The following ARHGAP32 variants were observed in gnomAD, a reference collection of about 807,000 sequenced individuals.
ARHGAP32 encodes Rho GTPase activating protein 32.
ARHGAP32 carries 51 observed loss-of-function variants against 186.5 expected under a neutral mutation model. That is an observed-to-expected ratio of 0.27 (90% CI 0.22 to 0.35). The LOEUF (loss-of-function observed/expected upper bound fraction) is 0.35. Ranked by LOEUF, ARHGAP32 falls within the 10% of genes least tolerant of loss-of-function variation. The pLI is 1.00. For synonymous variants in ARHGAP32, 950 were observed against 964.3 expected, an observed-to-expected ratio of 0.99 and a Z score of 0.27; for missense variants, 2,186 against 2,623.5, an observed-to-expected ratio of 0.83 and a Z score of 3.64.
chr11:129,235,709 AC>A (rs1469068172), intron 1 of ARHGAP32, among the ~76,000 whole-genome samples: 1 of 151,806 alleles, frequency 6.6e-6, no homozygotes, highest in Non-Finnish European at 1.5e-5. Flanking sequence ...CCCCTTCCCC[AC>A]TACTCCCCGA....
chr11:129,047,776 A>C (rs1252949709), intron 10 of ARHGAP32, among the ~76,000 whole-genome samples: 1 of 152,208 alleles, frequency 6.6e-6, no homozygotes, highest in African/African-American at 2.4e-5. Context: ...TGGCCTGCCA[A>C]CACCATCCCA....
rs539433654 is a variant in ARHGAP32 at position 128,967,388 on chromosome 11, G to A, written c.*1519C>T. The A allele has an allele frequency of 2.0e-5, 3 of 152,258 alleles. No homozygotes were observed. Among genetic ancestry groups the A allele is most frequent in the South Asian group, 2.1e-4 (1 of 4,824 alleles). 9.4% of individuals were successfully genotyped at this position (152,258 alleles called of 1,614,324 possible). A position where few individuals can be genotyped will look rare whatever the true frequency, so the allele number is the denominator to read the frequency against. ...ATTCTCCTAGTGTCTTCTACAGACC[G>A]AGCATTTAAAATACGTGAATGTATA... is the stretch of plus-strand genomic sequence containing the variant. On this transcript the variant is annotated 3_prime_UTR_variant, in exon 23 of 23. Coordinates refer to ENST00000682385, the MANE Select transcript of ARHGAP32 (RefSeq NM_001378024.1).
At chr11:129,133,013 C>T (rs900319894) in intron 2 of ARHGAP32, among the ~76,000 whole-genome samples, 1 of 152,090 alleles carries the variant, frequency 6.6e-6, no homozygotes, top group East Asian at 1.9e-4. Flanking sequence ...AGTTGGTTCA[C>T]GATTCCACAG....
intron 1 of ARHGAP32, among the ~76,000 whole-genome samples, chr11:129,248,544 T>C (rs886477808): frequency 1.3e-5 from 2 of 152,192 alleles, no homozygotes; most frequent in African/African-American, 4.8e-5. Flanking sequence ...CCAGCCTCCT[T>C]TTACTTAAGC....
At chr11:128,988,741 A>C (rs1196117656) in intron 12 of ARHGAP32, among the ~76,000 whole-genome samples, 2 of 152,204 alleles carry the variant, frequency 1.3e-5, no homozygotes, top group Non-Finnish European at 2.9e-5. Context: ...AACTTTATTG[A>C]CATTTTGACT....
chr11:129,180,026 A>G (rs1281800151), intron 1 of ARHGAP32, among the ~76,000 whole-genome samples: 1 of 152,150 alleles, frequency 6.6e-6, no homozygotes, highest in East Asian at 1.9e-4. Context: ...AGACTCTATA[A>G]GCAATTTAGA....
At chr11:129,269,859 C>A (rs1242278553) in intron 1 of ARHGAP32, among the ~76,000 whole-genome samples, 1 of 152,228 alleles carries the variant, frequency 6.6e-6, no homozygotes, top group Non-Finnish European at 1.5e-5. Context: ...AAAACACTGA[C>A]AACACCAAAT....
At chr11:129,023,968 T>C in intron 11 of ARHGAP32, 1 of 985,344 alleles carries the variant, frequency 1.0e-6, no homozygotes, top group Non-Finnish European at 1.2e-6. Flanking sequence ...TACAAGAGTG[T>C]AGAAAATAAA....
rs976038234 is a variant in ARHGAP32 at position 128,967,399 on chromosome 11, A to G, written c.*1508T>C. ...GTCTTCTACAGACCGAGCATTTAAAATACGTGAATGTATAAAACTTGAGTA... is the reference window on the plus strand; with the variant it reads ...GTCTTCTACAGACCGAGCATTTAAAGTACGTGAATGTATAAAACTTGAGTA... On this transcript the variant is annotated 3_prime_UTR_variant, in exon 23 of 23. Coordinates refer to ENST00000682385, the MANE Select transcript of ARHGAP32 (RefSeq NM_001378024.1). 3.3e-5 allele frequency: 5 copies of G among 152,248 alleles called. No individual in the cohort carries two copies. Among genetic ancestry groups the G allele is most frequent in the African/African-American group, 1.2e-4 (5 of 41,472 alleles). 9.4% of individuals were successfully genotyped at this position (152,248 alleles called of 1,614,324 possible). A position where few individuals can be genotyped will look rare whatever the true frequency, so the allele number is the denominator to read the frequency against.
chr11:129,050,419 TG>T lies in ARHGAP32; in HGVS notation c.964-9411del. ...TAGCATCTCAGTATGTTGCCCAGGC[TG>T]GCCTCAAATTCATGGGCTCAAGCAA... On this transcript the variant is annotated intron_variant, in intron 10 of 22. Coordinates refer to ENST00000682385, the MANE Select transcript of ARHGAP32 (RefSeq NM_001378024.1). 2.0e-5 allele frequency among the ~76,000 whole-genome samples: 3 copies of T among 152,324 alleles called. No individual in the cohort carries two copies. The South Asian group carries it at 6.2e-4, about 32-fold the overall frequency.
intron 1 of ARHGAP32, among the ~76,000 whole-genome samples, chr11:129,171,192 A>G (rs1279984877): frequency 6.6e-6 from 1 of 152,122 alleles, no homozygotes; most frequent in Non-Finnish European, 1.5e-5. Context: ...CCATTTGTCA[A>G]TTTTGGCTCT....
At chr11:128,977,196 T>C (rs767635574) in intron 19 of ARHGAP32, among the ~76,000 whole-genome samples, 1 of 152,178 alleles carries the variant, frequency 6.6e-6, no homozygotes, top group Non-Finnish European at 1.5e-5. Flanking sequence ...TCTAGAACCA[T>C]GAGGGAAAAA....
intron 2 of ARHGAP32, among the ~76,000 whole-genome samples, chr11:129,157,858 C>A (rs1943444584): frequency 6.6e-6 from 1 of 152,104 alleles, no homozygotes; most frequent in South Asian, 2.1e-4. Flanking sequence ...CAAAGGGAAG[C>A]CCATCAGACT....
Position 129,269,465 on chromosome 11 carries a change from G to A in ARHGAP32, c.-5+9681C>T, listed in dbSNP as rs189378947. Reference sequence around the variant, plus strand: ...TACATGGCCAGGCGCCATAACTCACGCCTATAATCCCAACACTTTGAGAGG... The same window carrying A: ...TACATGGCCAGGCGCCATAACTCACACCTATAATCCCAACACTTTGAGAGG... On this transcript the variant is annotated intron_variant, in intron 1 of 6. Transcript: ENST00000525234. Among the ~76,000 whole-genome samples, 6 of 152,204 alleles carry A rather than the reference G, an allele frequency of 3.9e-5. No homozygotes were observed. The East Asian group carries it at 9.7e-4, about 25-fold the overall frequency.
intron 11 of ARHGAP32, among the ~76,000 whole-genome samples, chr11:129,007,415 G>T (rs1323118057): frequency 6.6e-6 from 1 of 151,898 alleles, no homozygotes; most frequent in Non-Finnish European, 1.5e-5. Flanking sequence ...GGGTCCGAGG[G>T]CTTGTTAGTC....
chr11:129,201,416 G>A (rs990769192), intron 1 of ARHGAP32, among the ~76,000 whole-genome samples: 1 of 152,064 alleles, frequency 6.6e-6, no homozygotes, highest in African/African-American at 2.4e-5. Flanking sequence ...ATCATCTCAT[G>A]TAAATATTGT....
intron 1 of ARHGAP32, among the ~76,000 whole-genome samples, chr11:129,265,914 G>A (rs1036347721): frequency 2.6e-5 from 4 of 152,104 alleles, no homozygotes; most frequent in African/African-American, 4.8e-5. Flanking sequence ...TATAAAAAAT[G>A]AGTAACACAT....
chr11:129,114,711 C>A (rs1432546443), intron 5 of ARHGAP32, among the ~76,000 whole-genome samples: 1 of 152,058 alleles, frequency 6.6e-6, no homozygotes, highest in Non-Finnish European at 1.5e-5. Flanking sequence ...ATATTTCAGT[C>A]CTTCATCTAT....
chr11:128,986,497 T>C, intron 14 of ARHGAP32, 27 bp downstream of exon 14: 1 of 1,611,778 alleles, frequency 6.2e-7, no homozygotes, highest in South Asian at 1.1e-5. Context: ...CCACAAAGAA[T>C]TAGATTCAAA....
Sources: allele counts gnomAD v4.1 joint callset (sites outside exome capture counted in the v4.1 genomes callset), GRCh38; gene constraint gnomAD v4.1.1; transcripts MANE v1.5; gene names NCBI Gene and HGNC (gene_info 2026-07-23, HGNC 2026-07-21).